Variants in PTPRM observed in about 807,000 individuals in gnomAD.
PTPRM encodes the protein protein tyrosine phosphatase receptor type M, also known as receptor-type tyrosine-protein phosphatase mu.
Under a neutral mutation model 186.7 loss-of-function variants are expected in PTPRM, and 47 were observed. The ratio of observed to expected loss-of-function variants is 0.25; its 90% confidence interval spans 0.20 to 0.32. The LOEUF is 0.32. Ranked by LOEUF, PTPRM falls within the 10% of genes least tolerant of loss-of-function variation. The pLI is 1.00. For synonymous variants in PTPRM, 668 were observed against 674.9 expected, an observed-to-expected ratio of 0.99 and a Z score of 0.16; for missense variants, 1,494 against 1,865.0, an observed-to-expected ratio of 0.80 and a Z score of 3.66.
intron 7 of PTPRM, among the ~76,000 whole-genome samples, chr18:7,956,772 CATT>C (rs999019729): frequency 6.6e-6 from 1 of 152,216 alleles, no homozygotes; most frequent in Non-Finnish European, 1.5e-5. Context: ...TAAATTCCAT[CATT>C]GTTGTAAAAG....
intron 1 of PTPRM, among the ~76,000 whole-genome samples, chr18:7,592,857 A>G (rs143383350): frequency 3.9e-5 from 6 of 152,192 alleles, no homozygotes; most frequent in African/African-American, 1.4e-4. Flanking sequence ...ACCGAGACAG[A>G]ACATAGCCCT....
At chr18:7,915,369 T>C (rs954323233) in intron 4 of PTPRM, among the ~76,000 whole-genome samples, 18 of 152,084 alleles carry the variant, frequency 1.2e-4, no homozygotes, top group African/African-American at 4.3e-4. Context: ...GAATGTTTCT[T>C]TTTGAATATG....
At chr18:7,734,570 G>A (rs374166074) in intron 1 of PTPRM, among the ~76,000 whole-genome samples, 1 of 152,136 alleles carries the variant, frequency 6.6e-6, no homozygotes, top group Non-Finnish European at 1.5e-5. Flanking sequence ...TTCTGGTAGG[G>A]TTGATATTTA....
intron 4 of PTPRM, among the ~76,000 whole-genome samples, chr18:7,916,951 C>G (rs2050594433): frequency 6.6e-6 from 1 of 152,140 alleles, no homozygotes; most frequent in African/African-American, 2.4e-5. Flanking sequence ...TCCCTCTACG[C>G]CCTACCTTTC....
intron 1 of PTPRM, among the ~76,000 whole-genome samples, chr18:7,717,493 G>T (rs2040361354): frequency 6.6e-6 from 1 of 152,156 alleles, no homozygotes; most frequent in South Asian, 2.1e-4. Flanking sequence ...CCATGCTTCA[G>T]TTCATTCATG....
chr18:8,092,782 T>C (rs1007278756), intron 11 of PTPRM, among the ~76,000 whole-genome samples: 8 of 152,032 alleles, frequency 5.3e-5, no homozygotes, highest in Non-Finnish European at 1.0e-4. Context: ...CTGGGCAATG[T>C]AGCAAGACCC....
chr18:8,339,830 G>A (rs2095463594), intron 22 of PTPRM, among the ~76,000 whole-genome samples: 1 of 152,014 alleles, frequency 6.6e-6, no homozygotes, highest in Non-Finnish European at 1.5e-5. Context: ...TGGCCTGGAG[G>A]GTATGTTCTG....
chr18:7,832,966 C>G (rs1310869589), intron 2 of PTPRM, among the ~76,000 whole-genome samples: 2 of 151,976 alleles, frequency 1.3e-5, no homozygotes, highest in Non-Finnish European at 2.9e-5. Flanking sequence ...CTATTCTGTT[C>G]CATTCATCTC....
In PTPRM at chr18:8,329,562, G is replaced by T. The variant is rs1000418836; in HGVS notation, c.2956+10348G>T. The stretch of plus-strand genomic sequence containing the variant: ...TACTTTCCAAAGTGCTGGCTTCCCC[G>T]TGCCTCTGGCAACATGAGTCCTTGC... On this transcript the variant is annotated intron_variant, in intron 22 of 32. Transcript: ENST00000580170. Among the ~76,000 whole-genome samples the T allele has an allele frequency of 2.0e-5, 3 of 152,136 alleles. No individual in the cohort carries two copies. The East Asian group carries it at 5.8e-4, about 29-fold the overall frequency.
rs1404158481 is a variant in PTPRM, at chr18:7,839,691, C to A, written c.197-48415C>A. On this transcript the variant is annotated intron_variant, in intron 2 of 32. Transcript: ENST00000580170. ...ATGATGCCAATACTTCTTTAGCTGC[C>A]CTTGGGGATGTCTCAGTGGGTTACA... Among the ~76,000 whole-genome samples the A allele has an allele frequency of 2.0e-5, 3 of 152,254 alleles. No homozygotes were observed. In the East Asian group the frequency reaches 5.8e-4, roughly 30 times the overall value.
At chr18:7,605,446 A>G (rs1050347064) in intron 1 of PTPRM, among the ~76,000 whole-genome samples, 2 of 149,470 alleles carry the variant, frequency 1.3e-5, no homozygotes, top group African/African-American at 5.0e-5. Flanking sequence ...TTCTAGTACC[A>G]TACTTTGTAG....
rs888378078 is a variant in PTPRM at position 7,873,216 on chromosome 18, C to T, written c.197-14890C>T. Reference sequence around the variant, plus strand: ...AGAATAGCTCATGTAATTTGAGAATCGATTAATTTTACTTTTTAAGACTTA... The same window carrying T: ...AGAATAGCTCATGTAATTTGAGAATTGATTAATTTTACTTTTTAAGACTTA... On this transcript the variant is annotated intron_variant, in intron 2 of 32. Transcript: ENST00000580170. Among the ~76,000 whole-genome samples, 6 of 152,114 alleles carry T rather than the reference C, an allele frequency of 3.9e-5. No homozygotes were observed. In the East Asian group the frequency reaches 5.8e-4, roughly 15 times the overall value.
intron 14 of PTPRM, among the ~76,000 whole-genome samples, chr18:8,215,483 C>G (rs1166046874): frequency 6.6e-6 from 1 of 151,310 alleles, no homozygotes; most frequent in Non-Finnish European, 1.5e-5. Flanking sequence ...TTCTTTCTCT[C>G]CTTGCCTTAA....
At chr18:8,057,465 T>TA (rs1184289931) in intron 7 of PTPRM, among the ~76,000 whole-genome samples, 2 of 145,330 alleles carry the variant, frequency 1.4e-5, no homozygotes, top group Non-Finnish European at 3.1e-5. Flanking sequence ...CTTTTTTTTT[T>TA]ATTATACTTT....
At chr18:7,854,804 G>A (rs1275859580) in intron 2 of PTPRM, among the ~76,000 whole-genome samples, 2 of 148,412 alleles carry the variant, frequency 1.3e-5, no homozygotes, top group Non-Finnish European at 3.0e-5. Context: ...AGTTTTCTGT[G>A]TAAATGCATT....
intron 1 of PTPRM, among the ~76,000 whole-genome samples, chr18:7,691,298 T>C (rs1426130910): frequency 2.6e-5 from 4 of 152,210 alleles, no homozygotes; most frequent in African/African-American, 9.6e-5. Context: ...ACCTGAATCA[T>C]ATTATATGTC....
intron 7 of PTPRM, among the ~76,000 whole-genome samples, chr18:8,044,756 C>CAAAAAA (rs67620203): frequency 9.5e-6 from 1 of 104,720 alleles, no homozygotes; most frequent in African/African-American, 3.7e-5. Flanking sequence ...GACTCTGTCT[C>CAAAAAA]AAAAAAAAAA....
intron 3 of PTPRM, among the ~76,000 whole-genome samples, chr18:7,889,728 G>A (rs548512212): frequency 7.9e-6 from 1 of 126,136 alleles, no homozygotes; most frequent in Non-Finnish European, 1.6e-5. Flanking sequence ...CTGCAAATGG[G>A]TCTCAGGAGT....
chr18:8,289,502 ATGTGTGTG>A (rs541503882), intron 19 of PTPRM, among the ~76,000 whole-genome samples: 11 of 126,098 alleles, frequency 8.7e-5, no homozygotes, highest in East Asian at 8.2e-4. Flanking sequence ...ATATGTATAT[ATGTGTGTG>A]TATGTATATA....
Sources: allele counts gnomAD v4.1 joint callset (sites outside exome capture counted in the v4.1 genomes callset), GRCh38; gene constraint gnomAD v4.1.1; transcripts MANE v1.5; gene names NCBI Gene and HGNC (gene_info 2026-07-23, HGNC 2026-07-21).